Variants in FOXN2 observed in about 807,000 individuals in gnomAD.
FOXN2 encodes the protein forkhead box protein N2.
A neutral mutation model predicts 41.2 loss-of-function variants in FOXN2; 19 were observed. The observed-to-expected ratio is 0.46, with a 90% CI of 0.32 to 0.68. The LOEUF is 0.68. FOXN2 is among the 30% of genes least tolerant of loss of function. FOXN2 has a pLI of 0.03. For missense variants in FOXN2, 587 were observed against 509.4 expected, an observed-to-expected ratio of 1.15 and a Z score of -1.47; for synonymous variants, 195 against 176.8, an observed-to-expected ratio of 1.10 and a Z score of -0.82.
chr2:48,336,170 G>A (rs1295111002), intron 2 of FOXN2, among the ~76,000 whole-genome samples: 1 of 152,054 alleles, frequency 6.6e-6, no homozygotes, highest in Non-Finnish European at 1.5e-5. Context: ...TTGGGAGGCC[G>A]AGGTGGGCAG....
At chr2:48,358,221 A>G (rs1401800655) in intron 3 of FOXN2, among the ~76,000 whole-genome samples, 4 of 151,664 alleles carry the variant, frequency 2.6e-5, no homozygotes, top group African/African-American at 9.7e-5. Context: ...GTAAAGGAGT[A>G]GGAACATACT....
chr2:48,363,373 A>T (rs1485379404), intron 5 of FOXN2, among the ~76,000 whole-genome samples: 3 of 150,674 alleles, frequency 2.0e-5, no homozygotes, highest in East Asian at 2.0e-4. Context: ...GTAAAAATTT[A>T]AAAAATTAAA....
At chr2:48,347,289 C>T (rs368193858) in intron 3 of FOXN2, among the ~76,000 whole-genome samples, 13 of 141,514 alleles carry the variant, frequency 9.2e-5, no homozygotes, top group African/African-American at 1.9e-4. Flanking sequence ...TACAGTGGCG[C>T]GATCTCTGCT....
At chr2:48,353,621 G>A (rs112553383) in intron 3 of FOXN2, among the ~76,000 whole-genome samples, 4 of 149,326 alleles carry the variant, frequency 2.7e-5, no homozygotes, top group East Asian at 2.0e-4. Flanking sequence ...AGAAAGGGGG[G>A]AGTGATATTA....
At chr2:48,321,163 A>G (rs888262466) in intron 1 of FOXN2, among the ~76,000 whole-genome samples, 6 of 152,176 alleles carry the variant, frequency 3.9e-5, no homozygotes, top group Admixed American at 1.3e-4. Flanking sequence ...AGTTCTGCCA[A>G]CAAGGATTTA....
chr2:48,370,711 C>T (rs953295540), intron 5 of FOXN2, among the ~76,000 whole-genome samples: 1 of 152,110 alleles, frequency 6.6e-6, no homozygotes, highest in Non-Finnish European at 1.5e-5. Flanking sequence ...TGTTAATCCC[C>T]TGTCAGATGA....
chr2:48,314,268 G>T (rs191642524), upstream of FOXN2, among the ~76,000 whole-genome samples: 230 of 152,344 alleles, frequency 1.5e-3, no homozygotes, highest in Non-Finnish European at 2.8e-3. Flanking sequence ...GCGCCTCCTC[G>T]ACCACTCAGC....
chr2:48,352,312 T>A (rs752946437), intron 3 of FOXN2, among the ~76,000 whole-genome samples: 3 of 152,202 alleles, frequency 2.0e-5, no homozygotes, highest in Non-Finnish European at 4.4e-5. Flanking sequence ...TCCACTGACT[T>A]CTTTTCTGTC....
At chr2:48,332,280 A>T (rs561649497) in intron 2 of FOXN2, among the ~76,000 whole-genome samples, 1 of 152,336 alleles carries the variant, frequency 6.6e-6, no homozygotes, top group East Asian at 1.9e-4. Flanking sequence ...TTGGCATCAG[A>T]CAAAGCTGTT....
intron 1 of FOXN2, among the ~76,000 whole-genome samples, chr2:48,324,864 A>G (rs898892973): frequency 1.3e-5 from 2 of 152,206 alleles, no homozygotes; most frequent in African/African-American, 4.8e-5. Context: ...GGAGAGATTG[A>G]AAGACTCTAA....
intron 1 of FOXN2, among the ~76,000 whole-genome samples, chr2:48,318,095 T>C (rs948716886): frequency 3.3e-5 from 5 of 152,218 alleles, no homozygotes; most frequent in Non-Finnish European, 7.3e-5. Flanking sequence ...AGAATAGTTT[T>C]ATAGTTACAG....
chr2:48,330,552 T>TTC (rs371178316), intron 2 of FOXN2, among the ~76,000 whole-genome samples: 113 of 152,286 alleles, frequency 7.4e-4, no homozygotes, highest in African/African-American at 2.7e-3. Flanking sequence ...AATTTGTTTT[T>TTC]TTAATATTGG....
intron 5 of FOXN2, among the ~76,000 whole-genome samples, chr2:48,372,023 C>T (rs1400905406): frequency 6.6e-6 from 1 of 152,136 alleles, no homozygotes; most frequent in South Asian, 2.1e-4. Context: ...CCTTTTATTT[C>T]TTTCTCTTAC....
intron 2 of FOXN2, among the ~76,000 whole-genome samples, chr2:48,336,342 AG>A (rs1476218317): frequency 6.0e-5 from 9 of 149,474 alleles, no homozygotes. Flanking sequence ...TGGGAGGGGG[AG>A]GTTGCTTTGA....
In FOXN2 at chr2:48,346,596, T is replaced by G. The variant is rs149513301; in HGVS notation, c.382T>G (p.Ser128Ala). ...TCTCATTTATATGGCCATTGAGCAC[T>G]CTCCAAATAAATGTTTGCCTGTCAA... Reference protein sequence around the residue: ...SLLIYMAIEHSPNKCLPVKEI... With the variant: ...SLLIYMAIEHAPNKCLPVKEI... The change falls in exon 3 of 7, where the codon TCT becomes GCT. Residue 128 changes from serine to alanine, a missense_variant. Physicochemically the swap from Ser to Ala is moderately conservative, Grantham distance 99. Coordinates refer to ENST00000340553, the MANE Select transcript of FOXN2 (RefSeq NM_002158.4). 1.4e-5 allele frequency: 22 copies of G among 1,613,986 alleles called. No individual in the cohort carries two copies. In the African/African-American group the frequency reaches 2.5e-4, roughly 19 times the overall value.
intron 5 of FOXN2, among the ~76,000 whole-genome samples, chr2:48,364,595 A>G (rs1672408128): frequency 6.6e-6 from 1 of 152,060 alleles, no homozygotes; most frequent in African/African-American, 2.4e-5. Context: ...TGAAAATAGG[A>G]TTGAATTTTT....
At chr2:48,314,238 G>A (rs1477174149), upstream of FOXN2, among the ~76,000 whole-genome samples, 1 of 152,258 alleles carries the variant, frequency 6.6e-6, no homozygotes, top group Non-Finnish European at 1.5e-5. Flanking sequence ...ACTGCCCTGC[G>A]GCAGCCTAGC....
chr2:48,367,046 A>C (rs1439666019), intron 5 of FOXN2, among the ~76,000 whole-genome samples: 1 of 152,134 alleles, frequency 6.6e-6, no homozygotes, highest in Non-Finnish European at 1.5e-5. Context: ...TAGGCTTAGA[A>C]CTCCAGAAAC....
chr2:48,373,719 C>T (rs1343428035), intron 6 of FOXN2, among the ~76,000 whole-genome samples: 1 of 151,812 alleles, frequency 6.6e-6, no homozygotes. Flanking sequence ...ATGCAAAATC[C>T]ATGAAGGAAA....
Sources: allele counts gnomAD v4.1 joint callset (sites outside exome capture counted in the v4.1 genomes callset), GRCh38; gene constraint gnomAD v4.1.1; transcripts MANE v1.5; gene names NCBI Gene and HGNC (gene_info 2026-07-23, HGNC 2026-07-21).